The following QRICH2 variants were observed in gnomAD, a reference collection of about 807,000 sequenced individuals.
The protein encoded by QRICH2 is glutamine-rich protein 2.
In QRICH2, 119 loss-of-function variants were observed where a neutral mutation model predicts 168.3. The observed-to-expected ratio is 0.71, with a 90% confidence interval of 0.61 to 0.82. QRICH2 has a LOEUF of 0.82. QRICH2 is among the 40% of genes least tolerant of loss of function. QRICH2 has a pLI of 0.00. For missense variants in QRICH2, 2,241 were observed against 2,491.6 expected (o/e 0.90, Z 2.14); for synonymous variants, 894 against 951.2 (o/e 0.94, Z 1.11).
rs1018877762 is a variant in QRICH2 at position 76,281,472 on chromosome 17, C to T, written c.4263+392G>A. On this transcript the variant is annotated intron_variant, in intron 8 of 18. Transcript: ENST00000680821. This position sits in a 1 kb window ranked among gnomAD's most constrained non-coding sequence, Gnocchi z 4.4. ...AGGACCCAGGATTTGTGGCTGTGCC[C>T]GCCCCCACCAGCAAGCCTGCCCTTT... Among the ~76,000 whole-genome samples the T allele has an allele frequency of 6.6e-6, 1 of 152,152 alleles. No homozygotes were observed. The highest frequency in any genetic ancestry group is 1.5e-5 in the Non-Finnish European group (1 of 68,022).
chr17:76,296,130 G>A (rs2143338924), intron 3 of QRICH2, among the ~76,000 whole-genome samples: 1 of 152,224 alleles, frequency 6.6e-6, no homozygotes, highest in East Asian at 1.9e-4. Flanking sequence ...GGCTGAGGCA[G>A]GAGAATTGCT....
intron 2 of QRICH2, 70 bp from the exon 3 acceptor site, chr17:76,304,595 G>A: frequency 8.9e-7 from 1 of 1,121,760 alleles, no homozygotes; most frequent in Admixed American, 1.9e-5. Context: ...GAACAGACTT[G>A]GTCTAACAGG....
intron 15 of QRICH2, 94 bp downstream of exon 15, chr17:76,277,895 A>G (rs1303664353): frequency 2.2e-6 from 3 of 1,339,872 alleles, no homozygotes; most frequent in Non-Finnish European, 3.1e-6. Flanking sequence ...CTCCCCCAGC[A>G]GTGGGGCAAG....
Position 76,307,701 on chromosome 17 carries a change from C to G in QRICH2, c.298G>C (p.Glu100Gln). 1 of 1,435,308 alleles carries G rather than the reference C, an allele frequency of 7.0e-7. No homozygotes were observed. The highest frequency in any genetic ancestry group is 9.1e-7 in the Non-Finnish European group (1 of 1,096,180). 88.9% of individuals were successfully genotyped at this position (1,435,308 alleles called of 1,614,324 possible). A position where few individuals can be genotyped will look rare whatever the true frequency, so the allele number is the denominator to read the frequency against. ...GVGQAPSSAL[E>Q]SQVKDLGGQV... ...CCGCCCAGGTCCTTCACTTGGCTCT[C>G]CAGCGCTGACGAAGGCGCCTGGCCC... Residue 100 changes from glutamate to glutamine, a missense_variant, in exon 1 of 19, where the codon GAG becomes CAG. By Grantham distance (29) the Glu-to-Gln change is conservative. Around this residue, in one of 3 missense-constraint regions of QRICH2, gnomAD observed 2,047 missense variants for 2,303.8 expected, o/e 0.89. Transcript: ENST00000680821. This position sits in a 1 kb window ranked among gnomAD's most constrained non-coding sequence, Gnocchi z 5.3.
At position 76,281,717 on chromosome 17, in the gene QRICH2, T is replaced by C. The variant is rs2143180160; in HGVS notation, c.4263+147A>G. ...GGACCTGCAGAAAGACCAGGGACTC[T>C]TGTGGGATCTGGCTAAAGGGCTCCG... is the stretch of plus-strand genomic sequence containing the variant. On this transcript the variant is annotated intron_variant, in intron 8 of 18. Transcript: ENST00000680821. This position sits in a 1 kb window ranked among gnomAD's most constrained non-coding sequence, Gnocchi z 4.4. 7 of 940,536 alleles carry C rather than the reference T, an allele frequency of 7.4e-6. No individual in the cohort carries two copies. In the South Asian group the frequency reaches 9.6e-5, roughly 13 times the overall value. 58.3% of individuals were successfully genotyped at this position (940,536 alleles called of 1,614,324 possible).
Position 76,307,546 on chromosome 17 carries a change from C to T in QRICH2, c.453G>A (p.Gln151=). The T allele has an allele frequency of 6.3e-7, 1 of 1,594,506 alleles. No individual in the cohort carries two copies. Among genetic ancestry groups the T allele is most frequent in the Non-Finnish European group, 8.5e-7 (1 of 1,171,222 alleles). The change falls in exon 1 of 19, where the codon CAG becomes CAA. Residue 151 remains glutamine (Q), a synonymous_variant. Coordinates refer to ENST00000680821, the MANE Select transcript of QRICH2 (RefSeq NM_001388453.1). The surrounding 1 kb of genome is among the most constrained non-coding windows in gnomAD (Gnocchi z 5.3). The part of the protein sequence containing the change: ...DLAALEWPEE[Q]EVGVRAFDRV... Reference sequence around the variant, plus strand: ...TATCGAACGCCCGCACGCCCACCTCCTGCTCCTCCGGCCACTCTAGCGCGG... The same window carrying T: ...TATCGAACGCCCGCACGCCCACCTCTTGCTCCTCCGGCCACTCTAGCGCGG...
chr17:76,290,125 G>A (rs1231589729), intron 4 of QRICH2, 48 bp from the exon 5 acceptor site: 1 of 1,400,530 alleles, frequency 7.1e-7, no homozygotes, highest in Non-Finnish European at 1.0e-6. Context: ...ATCTCTAGTG[G>A]GCTCCCAATC....
At position 76,292,596 on chromosome 17, in the gene QRICH2, C is replaced by T; in HGVS notation, c.2131G>A (p.Val711Ile). Residue 711 changes from valine to isoleucine, a missense_variant, in exon 4 of 19, where the codon GTA becomes ATA. Transcript: ENST00000680821. ...VQPGADQHGL[V>I]QSGADQSDLA... is the part of the protein sequence containing the mutation. ...TCACTCTGATCTGCACCAGATTGTACCAAACCATGCTGATCTGCACCAGGT... is the reference window on the plus strand; with the variant it reads ...TCACTCTGATCTGCACCAGATTGTATCAAACCATGCTGATCTGCACCAGGT... The T allele has an allele frequency of 6.2e-7, 1 of 1,614,124 alleles. No individual in the cohort carries two copies. The highest frequency in any genetic ancestry group is 1.1e-5 in the South Asian group (1 of 91,084).
At position 76,291,157 on chromosome 17, in the gene QRICH2, G is replaced by A. The variant is rs2070980856; in HGVS notation, c.3570C>T (p.Phe1190=). Residue 1190 remains phenylalanine (F), a synonymous_variant, in exon 4 of 19, where the codon TTC becomes TTT. Transcript: ENST00000680821. The part of the protein sequence containing the change: ...RNSLRRMSSS[F]PTAVETFHLM... ...GATGAAATGTCTCCACTGCCGTGGG[G>A]AAACTAGAACTCATTCTACGCAGTG... The A allele has an allele frequency of 6.2e-7, 1 of 1,614,178 alleles. No individual in the cohort carries two copies. The highest frequency in any genetic ancestry group is 1.3e-5 in the African/African-American group (1 of 75,048).
Position 76,291,377 on chromosome 17 carries a change from C to T in QRICH2, c.3350G>A (p.Gly1117Glu), listed in dbSNP as rs1373232795. 3.7e-6 allele frequency: 6 copies of T among 1,613,910 alleles called. No individual in the cohort carries two copies. In the Admixed American group the frequency reaches 1.0e-4, roughly 27 times the overall value. Reference protein sequence around the residue: ...DSMYPGYRGPGYLSADQHGQE... With the variant: ...DSMYPGYRGPEYLSADQHGQE... ...GCCATGCTGATCAGCACTTAGATAC[C>T]CTGGGCCACGATAACCAGGATACAT... The change falls in exon 4 of 19, where the codon GGG (glycine) becomes GAG (glutamate). Residue 1117 changes from glycine (G) to glutamate (E), a missense_variant. Gly to Glu is a moderately conservative substitution (Grantham distance 98). Around this residue, in one of 3 missense-constraint regions of QRICH2, gnomAD observed 2,047 missense variants for 2,303.8 expected, o/e 0.89. Coordinates refer to ENST00000680821, the MANE Select transcript of QRICH2 (RefSeq NM_001388453.1).
intron 18 of QRICH2, 80 bp from the exon 19 acceptor site, chr17:76,274,340 G>A: frequency 1.4e-6 from 2 of 1,441,582 alleles, no homozygotes; most frequent in Non-Finnish European, 1.9e-6. Flanking sequence ...CAATGCCCAG[G>A]GAGGTTGAGA....
chr17:76,293,091 C>T lies in QRICH2; in HGVS notation c.1636G>A (p.Asp546Asn). Reference sequence around the variant, plus strand: ...CTGGGCTGCACAAAACCTTGCTGATCTGCACTAATTGGCATCAAACCAGGT... The same window carrying T: ...CTGGGCTGCACAAAACCTTGCTGATTTGCACTAATTGGCATCAAACCAGGT... ...VSPGLMPISA[D>N]QQGFVQPSLE... Residue 546 changes from aspartate to asparagine, a missense_variant, in exon 4 of 19, where the codon GAT becomes AAT. Physicochemically the swap from Asp to Asn is conservative, Grantham distance 23. This residue lies in a region of QRICH2 where 2,047 missense variants were observed against 2,303.8 expected (regional missense o/e 0.89). Transcript: ENST00000680821. 1 of 1,614,248 alleles carries T rather than the reference C, an allele frequency of 6.2e-7. No individual in the cohort carries two copies. The highest frequency in any genetic ancestry group is 1.6e-4 in the Middle Eastern group (1 of 6,062).
In QRICH2 at chr17:76,281,962, G is replaced by C. The variant is rs199566907; in HGVS notation, c.4165C>G (p.Gln1389Glu). ...TAGCGCCGCACCAGCGTGCTGACCT[G>C]ATGGCTCACATCCAGGCTGCAGGCT... ...CPACSLDVSHQVSTLVRRYEQ... is the reference protein window; with the variant it reads ...CPACSLDVSHEVSTLVRRYEQ... The change falls in exon 8 of 19, where the codon CAG (glutamine) becomes GAG (glutamate). Residue 1389 changes from glutamine to glutamate, a missense_variant. Physicochemically the swap from Gln to Glu is conservative, Grantham distance 29. Coordinates refer to ENST00000680821, the MANE Select transcript of QRICH2 (RefSeq NM_001388453.1). This position sits in a 1 kb window ranked among gnomAD's most constrained non-coding sequence, Gnocchi z 4.4. 7 of 1,613,702 alleles carry C rather than the reference G, an allele frequency of 4.3e-6. No individual in the cohort carries two copies. The highest frequency in any genetic ancestry group is 1.6e-4 in the Middle Eastern group (1 of 6,084).
At chr17:76,287,328 T>C (rs1411649327) in intron 6 of QRICH2, 22 bp from the exon 7 acceptor site, 1 of 1,561,298 alleles carries the variant, frequency 6.4e-7, no homozygotes, top group East Asian at 2.2e-5. Flanking sequence ...GATGAGAGAC[T>C]GCCAGACTCC....
At chr17:76,279,334 G>C (rs928367447) in intron 13 of QRICH2, 29 bp downstream of exon 13, 1 of 1,597,496 alleles carries the variant, frequency 6.3e-7, no homozygotes, top group East Asian at 2.2e-5. Context: ...TGCCATGCGA[G>C]GCCACGTGCC....
At chr17:76,279,852 G>A (rs942449680) in intron 12 of QRICH2, among the ~76,000 whole-genome samples, 181 bp downstream of exon 12, 11 of 152,172 alleles carry the variant, frequency 7.2e-5, no homozygotes, top group African/African-American at 1.9e-4. Context: ...GCTGTAATAC[G>A]AAGGGGCCTG....
chr17:76,306,168 CAAAAAAAA>C (rs368182885), intron 1 of QRICH2, among the ~76,000 whole-genome samples: 26 of 68,124 alleles, frequency 3.8e-4, no homozygotes, highest in African/African-American at 7.6e-4. Flanking sequence ...GAATGTGTCT[CAAAAAAAA>C]AAAAAAAAAA....
At position 76,291,984 on chromosome 17, in the gene QRICH2, C is replaced by G; in HGVS notation, c.2743G>C (p.Gly915Arg). 6.2e-7 allele frequency: 1 copy of G among 1,614,102 alleles called. No individual in the cohort carries two copies. The highest frequency in any genetic ancestry group is 8.5e-7 in the Non-Finnish European group (1 of 1,180,032). ...GAGQLGMVQP[G>R]IGQQGMVQPQ... ...TGCACCATACCTTGCTGACCTATTC[C>G]AGGCTGCACCATACCCAGCTGACCT... The change falls in exon 4 of 19, where the codon GGA (glycine) becomes CGA (arginine). Residue 915 changes from glycine to arginine, a missense_variant. Gly to Arg is a moderately radical substitution (Grantham distance 125). This residue lies in a region of QRICH2 where 2,047 missense variants were observed against 2,303.8 expected (regional missense o/e 0.89). Coordinates refer to ENST00000680821, the MANE Select transcript of QRICH2 (RefSeq NM_001388453.1).
In QRICH2 at chr17:76,292,080, G is replaced by T; in HGVS notation, c.2647C>A (p.Gln883Lys). The change falls in exon 4 of 19, where the codon CAA (glutamine) becomes AAA (lysine). Residue 883 changes from glutamine (Q) to lysine (K), a missense_variant. This residue lies in a region of QRICH2 where 2,047 missense variants were observed against 2,303.8 expected (regional missense o/e 0.89). Transcript: ENST00000680821. The stretch of plus-strand genomic sequence containing the variant: ...AAACCACGCTGGTCCATTCCAGGTT[G>T]GACCAAACCACGCTGATCCACTCCA... ...QPGVDQRGLV[Q>K]PGMDQRGLIQ... is the part of the protein sequence containing the mutation. The T allele has an allele frequency of 6.2e-7, 1 of 1,614,108 alleles. No individual in the cohort carries two copies.
Sources: allele counts gnomAD v4.1 joint callset (sites outside exome capture counted in the v4.1 genomes callset), GRCh38; gene constraint gnomAD v4.1.1; regional missense constraint gnomAD v4.1.1; non-coding constraint Gnocchi (gnomAD v3.1); transcripts MANE v1.5; gene names NCBI Gene and HGNC (gene_info 2026-07-23, HGNC 2026-07-21).